Variants in VPS8 observed in about 807,000 individuals in gnomAD.
The protein encoded by VPS8 is VPS8 subunit of CORVET complex, also known as vacuolar protein sorting-associated protein 8 homolog.
VPS8 carries 129 observed loss-of-function variants against 216.4 expected under a neutral mutation model. The observed-to-expected ratio is 0.60, with a 90% confidence interval of 0.52 to 0.69. VPS8 has a LOEUF of 0.69. VPS8 is among the 30% of genes least tolerant of loss of function. VPS8 has a pLI of 0.00. For missense variants in VPS8, 1,531 were observed against 1,683.5 expected (o/e 0.91, Z 1.59); for synonymous variants, 571 against 565.4 (o/e 1.01, Z -0.14).
At chr3:184,860,135 G>A in intron 15 of VPS8, 70 bp downstream of exon 15, 3 of 1,259,336 alleles carry the variant, frequency 2.4e-6, no homozygotes, top group East Asian at 2.4e-5. Flanking sequence ...ATATATTAAA[G>A]CTACCAGGAT....
At chr3:184,888,367 A>G (rs1041273960) in intron 22 of VPS8, among the ~76,000 whole-genome samples, 1 of 152,308 alleles carries the variant, frequency 6.6e-6, no homozygotes, top group East Asian at 1.9e-4. Flanking sequence ...TAGGGCCACA[A>G]ATACCTTTGT....
Position 184,864,614 on chromosome 3 carries a change from A to G in VPS8, c.1395+1547A>G, listed in dbSNP as rs1372791053. Among the ~76,000 whole-genome samples, 5 of 152,240 alleles carry G rather than the reference A, an allele frequency of 3.3e-5. No individual in the cohort carries two copies. In the South Asian group the frequency reaches 8.3e-4, roughly 25 times the overall value. ...CTTCATGATTCACAGGGCATTGGGT[A>G]GAGTACTTAGAGGCATCTTGCCTCA... On this transcript the variant is annotated intron_variant, in intron 16 of 47. Coordinates refer to ENST00000625842, the MANE Select transcript of VPS8 (RefSeq NM_001009921.3).
At chr3:185,023,009 T>C (rs1417864322) in intron 45 of VPS8, among the ~76,000 whole-genome samples, 1 of 152,204 alleles carries the variant, frequency 6.6e-6, no homozygotes, top group African/African-American at 2.4e-5. Context: ...ATAACTGATA[T>C]AAACTGGACA....
intron 46 of VPS8, among the ~76,000 whole-genome samples, chr3:185,045,783 AAAG>A (rs1712755479): frequency 6.6e-6 from 1 of 151,458 alleles, no homozygotes; most frequent in Admixed American, 6.6e-5. Flanking sequence ...AAAAAAAAAA[AAAG>A]AGGTCTGTGG....
At chr3:184,874,082 T>A (rs1728820982) in intron 21 of VPS8, among the ~76,000 whole-genome samples, 1 of 152,124 alleles carries the variant, frequency 6.6e-6, no homozygotes, top group East Asian at 1.9e-4. Flanking sequence ...TTTTTTTTTT[T>A]AAGTAGAGTG....
chr3:185,001,438 G>A (rs748383977), intron 45 of VPS8, among the ~76,000 whole-genome samples: 4 of 152,222 alleles, frequency 2.6e-5, no homozygotes, highest in African/African-American at 4.8e-5. Flanking sequence ...TAAAGGATGC[G>A]ACTGAGGAAG....
intron 45 of VPS8, among the ~76,000 whole-genome samples, chr3:185,009,799 G>A (rs1754747693): frequency 6.6e-6 from 1 of 152,046 alleles, no homozygotes; most frequent in Admixed American, 6.6e-5. Flanking sequence ...GCAGAGCTTA[G>A]TCTCTCCGGG....
chr3:184,857,591 T>C (rs1237543636), intron 14 of VPS8, among the ~76,000 whole-genome samples: 1 of 152,226 alleles, frequency 6.6e-6, no homozygotes, highest in Non-Finnish European at 1.5e-5. Context: ...AAACCTTTAA[T>C]GTTTCTCCTC....
rs1412774538 is a variant in VPS8 at position 184,966,708 on chromosome 3, G to A, written c.3311G>A (p.Gly1104Asp). ...AAACTTCAAGAGGTAACACATCAAG[G>A]TGAAAGTAAGTTCTTGAAAATAATT... ...QSKLQEVTHQ[G>D]ENTKEDPSLK... is the part of the protein sequence containing the mutation. Residue 1104 changes from glycine to aspartate, a missense_variant, in exon 39 of 48, where the codon GGT becomes GAT. Gly to Asp is a moderately conservative substitution (Grantham distance 94, BLOSUM62 -1). This residue lies in a region of VPS8 where 1,318 missense variants were observed against 1,468.4 expected (regional missense o/e 0.90). Coordinates refer to ENST00000625842, the MANE Select transcript of VPS8 (RefSeq NM_001009921.3). 5.0e-6 allele frequency: 8 copies of A among 1,584,966 alleles called. No individual in the cohort carries two copies. The Admixed American group carries it at 8.5e-5, about 17-fold the overall frequency.
intron 21 of VPS8, among the ~76,000 whole-genome samples, chr3:184,880,985 T>C (rs2108837488): frequency 1.3e-5 from 2 of 152,276 alleles, no homozygotes; most frequent in Admixed American, 1.3e-4. Context: ...TCTGCATGGG[T>C]TTTGCCTCTC....
At chr3:184,947,231 C>G (rs995960585) in intron 36 of VPS8, among the ~76,000 whole-genome samples, 26 of 152,132 alleles carry the variant, frequency 1.7e-4, no homozygotes, top group Non-Finnish European at 3.1e-4. Flanking sequence ...CAGAGAGTTC[C>G]CCCACATTTT....
At chr3:184,848,217 T>C (rs1221697120) in intron 8 of VPS8, among the ~76,000 whole-genome samples, 1 of 152,120 alleles carries the variant, frequency 6.6e-6, no homozygotes, top group Non-Finnish European at 1.5e-5. Flanking sequence ...CTAGCCACTT[T>C]TAGCATATCA....
intron 8 of VPS8, among the ~76,000 whole-genome samples, chr3:184,847,461 G>A (rs935951746): frequency 1.3e-5 from 2 of 152,180 alleles, no homozygotes; most frequent in South Asian, 4.1e-4. Flanking sequence ...ATTAAGCAAG[G>A]TGCTTTGGGA....
At chr3:184,984,261 T>C (rs2109773904) in intron 42 of VPS8, among the ~76,000 whole-genome samples, 1 of 150,678 alleles carries the variant, frequency 6.6e-6, no homozygotes, top group African/African-American at 2.4e-5. Context: ...TCCTGTAGTC[T>C]TTGTCATTAC....
At chr3:185,027,572 A>C (rs1003500904) in intron 46 of VPS8, among the ~76,000 whole-genome samples, 1 of 152,168 alleles carries the variant, frequency 6.6e-6, no homozygotes, top group African/African-American at 2.4e-5. Flanking sequence ...AACCTCCATG[A>C]AGAACTTTGA....
intron 36 of VPS8, among the ~76,000 whole-genome samples, chr3:184,952,872 T>A (rs1267452433): frequency 6.6e-6 from 1 of 152,208 alleles, no homozygotes; most frequent in Non-Finnish European, 1.5e-5. Flanking sequence ...GCTGTCACAT[T>A]GAAACAGCAG....
At chr3:185,019,373 T>A (rs1480442794) in intron 45 of VPS8, among the ~76,000 whole-genome samples, 1 of 151,498 alleles carries the variant, frequency 6.6e-6, no homozygotes, top group Non-Finnish European at 1.5e-5. Flanking sequence ...CACACAGAAA[T>A]ACAGTGTGTG....
intron 36 of VPS8, chr3:184,944,637 G>A (rs951445559): frequency 1.0e-6 from 1 of 964,010 alleles, no homozygotes; most frequent in Non-Finnish European, 1.2e-6. Context: ...GATTTTCCTG[G>A]TAATGTTGAT....
chr3:184,924,600 T>C (rs1237977210), intron 29 of VPS8, among the ~76,000 whole-genome samples: 1 of 152,168 alleles, frequency 6.6e-6, no homozygotes, highest in Non-Finnish European at 1.5e-5. Context: ...TACTACACTT[T>C]ACATCTCTAC....
Sources: gnomAD v4.1 joint callset for allele counts (sites outside exome capture counted in the v4.1 genomes callset) on GRCh38, gnomAD v4.1.1 for gene constraint, gnomAD v4.1.1 regional missense constraint, MANE v1.5 for transcripts, NCBI Gene and HGNC (gene_info 2026-07-23, HGNC 2026-07-21) for gene names.